Variants in RAPGEF6 observed in about 807,000 individuals in gnomAD.
RAPGEF6 encodes the protein Rap guanine nucleotide exchange factor 6, also known as PDZ domain containing guanine nucleotide exchange factor (GEF) 2.
A neutral mutation model predicts 171.4 loss-of-function variants in RAPGEF6; 56 were observed. That is an observed-to-expected ratio of 0.33 (90% confidence interval 0.26 to 0.41). The LOEUF (loss-of-function observed/expected upper bound fraction) is 0.41, where lower values mean the gene tolerates loss of function less well. Ranked by LOEUF, RAPGEF6 falls within the 10% of genes least tolerant of loss-of-function variation. The pLI is 1.00. For missense variants in RAPGEF6, 1,674 were observed against 1,921.4 expected (o/e 0.87, Z 2.41); for synonymous variants, 692 against 650.1 (o/e 1.06, Z -0.98).
chr5:131,498,796 T>C (rs772147860), intron 11 of RAPGEF6, among the ~76,000 whole-genome samples, 189 bp from the exon 12 acceptor site: 19 of 152,106 alleles, frequency 1.2e-4, no homozygotes, highest in East Asian at 5.8e-4. Flanking sequence ...CACCCAGAGG[T>C]TGAGAGACAG....
At position 131,530,773 on chromosome 5, in the gene RAPGEF6, A is replaced by G. The variant is rs1001589015; in HGVS notation, c.496-9252T>C. 2.0e-5 allele frequency among the ~76,000 whole-genome samples: 3 copies of G among 152,212 alleles called. No homozygotes were observed. The East Asian group carries it at 5.8e-4, about 29-fold the overall frequency. ...AATCTGGGATCAAAAGTTGGCTATC[A>G]GCATTCCAAAGGCTATTTTATTTTG... is the stretch of plus-strand genomic sequence containing the variant. On this transcript the variant is annotated intron_variant, in intron 6 of 27. Coordinates refer to ENST00000509018, the MANE Select transcript of RAPGEF6 (RefSeq NM_016340.6).
chr5:131,609,195 A>G (rs1257068433), intron 1 of RAPGEF6, among the ~76,000 whole-genome samples: 1 of 152,174 alleles, frequency 6.6e-6, no homozygotes, highest in Non-Finnish European at 1.5e-5. Context: ...TCTTCCAGTC[A>G]CCAGAATTGT....
intron 12 of RAPGEF6, among the ~76,000 whole-genome samples, chr5:131,496,616 C>T (rs1756657449): frequency 6.6e-6 from 1 of 152,160 alleles, no homozygotes; most frequent in Non-Finnish European, 1.5e-5. Flanking sequence ...CAATACCTAG[C>T]CTTTTGTGAT....
chr5:131,485,727 C>T (rs1022840504), intron 15 of RAPGEF6, among the ~76,000 whole-genome samples: 1 of 152,112 alleles, frequency 6.6e-6, no homozygotes. Context: ...ATGATTCTGT[C>T]CAGGTTTACT....
intron 16 of RAPGEF6, among the ~76,000 whole-genome samples, chr5:131,475,968 C>G (rs1755061356): frequency 1.3e-5 from 2 of 152,210 alleles, no homozygotes; most frequent in South Asian, 4.2e-4. Context: ...AATTGTGAAA[C>G]TGAACTCATT....
chr5:131,506,139 T>C (rs1478213000), intron 9 of RAPGEF6, among the ~76,000 whole-genome samples: 1 of 151,972 alleles, frequency 6.6e-6, no homozygotes, highest in East Asian at 1.9e-4. Flanking sequence ...CTCTAAGAAG[T>C]TATTTATTTA....
intron 1 of RAPGEF6, among the ~76,000 whole-genome samples, chr5:131,620,579 A>C (rs1291425399): frequency 6.6e-6 from 1 of 151,462 alleles, no homozygotes; most frequent in African/African-American, 2.4e-5. Flanking sequence ...TCTAAAATCC[A>C]TTCTTTTTTT....
chr5:131,474,889 G>A (rs1754994819), intron 16 of RAPGEF6, among the ~76,000 whole-genome samples: 1 of 152,156 alleles, frequency 6.6e-6, no homozygotes, highest in African/African-American at 2.4e-5. Flanking sequence ...TAAAGAGGTT[G>A]TCCAGTCCTA....
At chr5:131,626,856 C>G (rs538223013) in intron 1 of RAPGEF6, among the ~76,000 whole-genome samples, 1 of 152,230 alleles carries the variant, frequency 6.6e-6, no homozygotes, top group South Asian at 2.1e-4. Flanking sequence ...ATATTAACAG[C>G]TTCTCTTTTA....
intron 6 of RAPGEF6, among the ~76,000 whole-genome samples, chr5:131,536,582 T>C (rs2149932923): frequency 6.6e-6 from 1 of 152,110 alleles, no homozygotes; most frequent in Admixed American, 6.6e-5. Flanking sequence ...CACTATGAAA[T>C]ATGATCCACC....
intron 1 of RAPGEF6, among the ~76,000 whole-genome samples, chr5:131,630,144 C>A (rs1306192317): frequency 6.6e-6 from 1 of 152,194 alleles, no homozygotes; most frequent in Admixed American, 6.5e-5. Flanking sequence ...TTTTAAGAAA[C>A]TGTCACAGCC....
chr5:131,554,233 A>C (rs1463209745), intron 5 of RAPGEF6, among the ~76,000 whole-genome samples: 2 of 152,206 alleles, frequency 1.3e-5, no homozygotes, highest in Non-Finnish European at 2.9e-5. Flanking sequence ...AGAAAAATAA[A>C]GTTATTTTCA....
chr5:131,463,265 A>G (rs1464887194), intron 18 of RAPGEF6, among the ~76,000 whole-genome samples: 1 of 152,116 alleles, frequency 6.6e-6, no homozygotes, highest in Non-Finnish European at 1.5e-5. Flanking sequence ...CTACATATGA[A>G]ACTGGGTTAC....
At chr5:131,463,974 C>A in intron 18 of RAPGEF6, 67 bp downstream of exon 18, 1 of 1,504,784 alleles carries the variant, frequency 6.6e-7, no homozygotes, top group Non-Finnish European at 8.9e-7. Flanking sequence ...CTTACAATAG[C>A]TGTTTTAACA....
At chr5:131,494,045 A>C (rs1465570183) in intron 13 of RAPGEF6, among the ~76,000 whole-genome samples, 1 of 152,236 alleles carries the variant, frequency 6.6e-6, no homozygotes, top group Non-Finnish European at 1.5e-5. Flanking sequence ...TCTGTAAGTA[A>C]TTAATTACAG....
chr5:131,521,402 A>G lies in RAPGEF6; in HGVS notation c.615T>C (p.Ser205=). The change falls in exon 7 of 28, where the codon TCT becomes TCC. Residue 205 remains serine (S), a synonymous_variant. Transcript: ENST00000509018. ...CCTAAGGTATTACCTGATAGATATC[A>G]GATAAACTGCTGCTTCCAGAGTCAC... ...IASDSGSSSL[S]DIYQATESEV... is the part of the protein sequence containing the mutation. 1 of 1,608,084 alleles carries G rather than the reference A, an allele frequency of 6.2e-7. No homozygotes were observed. The highest frequency in any genetic ancestry group is 1.3e-5 in the African/African-American group (1 of 74,744).
At chr5:131,445,573 CTG>C (rs1752637912) in intron 22 of RAPGEF6, among the ~76,000 whole-genome samples, 1 of 150,052 alleles carries the variant, frequency 6.7e-6, no homozygotes, top group Non-Finnish European at 1.5e-5. Context: ...CTGCGTGTGT[CTG>C]TGTGTGCGCG....
At position 131,498,520 on chromosome 5, in the gene RAPGEF6, T is replaced by C; in HGVS notation, c.1342A>G (p.Arg448Gly). 1 of 1,613,860 alleles carries C rather than the reference T, an allele frequency of 6.2e-7. No homozygotes were observed. Among genetic ancestry groups the C allele is most frequent in the Non-Finnish European group, 8.5e-7 (1 of 1,179,910 alleles). Residue 448 changes from arginine (R) to glycine (G), a missense_variant, in exon 12 of 28, where the codon AGG (arginine) becomes GGG (glycine). Physicochemically the swap from Arg to Gly is moderately radical, Grantham distance 125. Around this residue, in one of 3 missense-constraint regions of RAPGEF6, gnomAD observed 1,116 missense variants for 1,321.5 expected, o/e 0.84. Coordinates refer to ENST00000509018, the MANE Select transcript of RAPGEF6 (RefSeq NM_016340.6). The part of the protein sequence containing the change: ...TYIEDFLLTY[R>G]TFLESPLDVG... ...TCCAAAGGACTTTCAAGAAATGTCC[T>C]GTAAGTTAATAGAAAATCTTCTATA...
intron 19 of RAPGEF6, among the ~76,000 whole-genome samples, chr5:131,458,871 G>T (rs1753706220): frequency 6.6e-6 from 1 of 152,166 alleles, no homozygotes; most frequent in Admixed American, 6.5e-5. Context: ...GGTCAGGCTG[G>T]TCTAGAACTC....
Sources: gnomAD v4.1 joint callset for allele counts (sites outside exome capture counted in the v4.1 genomes callset) on GRCh38, gnomAD v4.1.1 for gene constraint, gnomAD v4.1.1 regional missense constraint, MANE v1.5 for transcripts, NCBI Gene and HGNC (gene_info 2026-07-23, HGNC 2026-07-21) for gene names.